NPAP1: variants seen among roughly 807,000 people sequenced by gnomAD.
NPAP1 encodes nuclear pore associated protein 1, also known as nuclear pore-associated protein 1.
For synonymous variants in NPAP1, 616 were observed against 581.4 expected, an observed-to-expected ratio of 1.06 and a Z score of -0.86; for missense variants, 1,483 against 1,454.5, an observed-to-expected ratio of 1.02 and a Z score of -0.32.
In NPAP1 at chr15:24,677,507, C is replaced by T. The variant is rs1409033062; in HGVS notation, c.1640C>T (p.Pro547Leu). The T allele has an allele frequency of 1.2e-6, 2 of 1,614,162 alleles. No individual in the cohort carries two copies. The highest frequency in any genetic ancestry group is 3.3e-5 in the Admixed American group (2 of 60,022). The change falls in exon 1 of 1, where the codon CCT becomes CTT. Residue 547 changes from proline to leucine, a missense_variant. Coordinates refer to ENST00000329468, the MANE Select transcript of NPAP1 (RefSeq NM_018958.3). ...GGGACCTCAGTTATCACCAGCAAGC[C>T]TATGAATTCCACGTCAGTCATTTCC... ...STGTSVITSK[P>L]MNSTSVISTV...
chr15:24,679,991 G>A lies in NPAP1; in HGVS notation c.*653G>A. 7.8e-6 allele frequency: 1 copy of A among 128,824 alleles called. No individual in the cohort carries two copies. The allele number at this position is 128,824 out of a possible 1,614,324, so 8.0% of individuals were successfully genotyped here. ...GCATTGTTTTTGTTTTGGTTTGTTT[G>A]TTTGTTTGTTTGTTTGTTTGTTTGT... On this transcript the variant is annotated 3_prime_UTR_variant, in exon 1 of 1. Coordinates refer to ENST00000329468, the MANE Select transcript of NPAP1 (RefSeq NM_018958.3).
Position 24,676,776 on chromosome 15 carries a change from T to C in NPAP1, c.909T>C (p.Pro303=), listed in dbSNP as rs147129508. The change falls in exon 1 of 1, where the codon CCT becomes CCC. Residue 303 remains proline, a synonymous_variant. Coordinates refer to ENST00000329468, the MANE Select transcript of NPAP1 (RefSeq NM_018958.3). ...CGCTGATGTCCGGAAAGAGGATGCC[T>C]GATGAGAAGCCTTTCTGTATTCCTC... ...PIPLMSGKRM[P]DEKPFCIPPR... 1.9e-6 allele frequency: 3 copies of C among 1,613,556 alleles called. No individual in the cohort carries two copies. In the African/African-American group the frequency reaches 4.0e-5, roughly 22 times the overall value.
In NPAP1 at chr15:24,679,222, T is replaced by G. The variant is rs756944386; in HGVS notation, c.3355T>G (p.Phe1119Val). ...SIVGGPCVPA[F>V]QQCILQHTWT... ...AGTTGGAGGCCCTTGTGTTCCTGCT[T>G]TTCAACAGTGCATCCTGCAGCACAC... Residue 1119 changes from phenylalanine to valine, a missense_variant, in exon 1 of 1, where the codon TTT becomes GTT. Transcript: ENST00000329468. 5.6e-6 allele frequency: 9 copies of G among 1,614,004 alleles called. No homozygotes were observed. Among genetic ancestry groups the G allele is most frequent in the Non-Finnish European group, 6.8e-6 (8 of 1,180,034 alleles).
Position 24,682,744 on chromosome 15 carries a change from T to TA in NPAP1, c.*3416dup, listed in dbSNP as rs546129701. The TA allele has an allele frequency of 3.6e-3, 580 of 161,840 alleles. 1 individual carries two copies. Among genetic ancestry groups the TA allele is most frequent in the South Asian group, 0.016 (77 of 4,710 alleles). 10.0% of individuals were successfully genotyped at this position (161,840 alleles called of 1,614,324 possible). A position where few individuals can be genotyped will look rare whatever the true frequency, so the allele number is the denominator to read the frequency against. ...TTTTTCTCCTTGAACTCTTTTCCCA[T>TA]AAAAAAAAAATGTTTTTGGTTTCTA... On this transcript the variant is annotated 3_prime_UTR_variant, in exon 1 of 1. Transcript: ENST00000329468.
Position 24,678,378 on chromosome 15 carries a change from G to A in NPAP1, c.2511G>A (p.Gln837=), listed in dbSNP as rs2141312512. The A allele has an allele frequency of 1.2e-6, 2 of 1,613,896 alleles. No homozygotes were observed. Among genetic ancestry groups the A allele is most frequent in the Non-Finnish European group, 1.7e-6 (2 of 1,180,010 alleles). The change falls in exon 1 of 1, where the codon CAG becomes CAA. Residue 837 remains glutamine, a synonymous_variant. Transcript: ENST00000329468. ...CTCCTTCCAAAACTGTCATCTTGCA[G>A]TCTACCTTTGTCTCCAGGAAGGAGG... ...TTPPSKTVIL[Q]STFVSRKEEY...
Position 24,681,493 on chromosome 15 carries a change from T to C in NPAP1, c.*2155T>C, listed in dbSNP as rs1595617716. Reference sequence around the variant, plus strand: ...TGTGATGGTATTAGGAGGTGAGGCTTTGGGGAGGTGATTAGGTTTAGATGA... The same window carrying C: ...TGTGATGGTATTAGGAGGTGAGGCTCTGGGGAGGTGATTAGGTTTAGATGA... On this transcript the variant is annotated 3_prime_UTR_variant, in exon 1 of 1. Transcript: ENST00000329468. 6.0e-6 allele frequency: 1 copy of C among 166,576 alleles called. No homozygotes were observed. Among genetic ancestry groups the C allele is most frequent in the Non-Finnish European group, 1.5e-5 (1 of 68,092 alleles). The allele number at this position is 166,576 out of a possible 1,614,324, so 10.3% of individuals were successfully genotyped here.
chr15:24,677,360 C>G lies in NPAP1; in HGVS notation c.1493C>G (p.Pro498Arg), dbSNP rs2141310187. 2 of 1,613,906 alleles carry G rather than the reference C, an allele frequency of 1.2e-6. No individual in the cohort carries two copies. Among genetic ancestry groups the G allele is most frequent in the Middle Eastern group, 3.3e-4 (2 of 6,062 alleles). Residue 498 changes from proline (P) to arginine (R), a missense_variant, in exon 1 of 1, where the codon CCA becomes CGA. Coordinates refer to ENST00000329468, the MANE Select transcript of NPAP1 (RefSeq NM_018958.3). ...VGAAPLTSDP[P>R]TPPSSTPSFK... is the part of the protein sequence containing the mutation. The stretch of plus-strand genomic sequence containing the variant: ...GCAGCGCCTCTCACTTCTGACCCCC[C>G]AACACCTCCTAGCTCCACACCCTCC...
Position 24,679,233 on chromosome 15 carries a change from C to G in NPAP1, c.3366C>G (p.Cys1122Trp), listed in dbSNP as rs755580901. 27 of 1,613,994 alleles carry G rather than the reference C, an allele frequency of 1.7e-5. No individual in the cohort carries two copies. Among genetic ancestry groups the G allele is most frequent in the Non-Finnish European group, 2.3e-5 (27 of 1,180,012 alleles). ...CTTGTGTTCCTGCTTTTCAACAGTG[C>G]ATCCTGCAGCACACATGGACAGAGA... ...GGPCVPAFQQ[C>W]ILQHTWTERK... Residue 1122 changes from cysteine (C) to tryptophan (W), a missense_variant, in exon 1 of 1, where the codon TGC (cysteine) becomes TGG (tryptophan). By Grantham distance (215) the Cys-to-Trp change is radical (BLOSUM62 -2). Transcript: ENST00000329468.
rs751970561 is a variant in NPAP1 at position 24,677,889 on chromosome 15, T to G, written c.2022T>G (p.Pro674=). The change falls in exon 1 of 1, where the codon CCT becomes CCG. Residue 674 remains proline (P), a synonymous_variant. Transcript: ENST00000329468. ...ACVFLSLPII[P]PPDTSTLVNS... ...TTTTCCTGAGCCTTCCCATCATTCC[T>G]CCTCCAGACACCTCCACTTTAGTGA... 1 of 1,613,652 alleles carries G rather than the reference T, an allele frequency of 6.2e-7. No individual in the cohort carries two copies. Among genetic ancestry groups the G allele is most frequent in the Non-Finnish European group, 8.5e-7 (1 of 1,179,950 alleles).
At position 24,678,515 on chromosome 15, in the gene NPAP1, C is replaced by A. The variant is rs2048993645; in HGVS notation, c.2648C>A (p.Pro883Gln). 2.5e-6 allele frequency: 4 copies of A among 1,614,194 alleles called. No individual in the cohort carries two copies. The highest frequency in any genetic ancestry group is 2.2e-5 in the East Asian group (1 of 44,874). ...TTTCCTGCACAGGCAGATAGGAGAC[C>A]AACCACAACTTCCAGCCATCCTTTA... ...TSFPAQADRR[P>Q]TTTSSHPLNT... The change falls in exon 1 of 1, where the codon CCA becomes CAA. Residue 883 changes from proline (P) to glutamine (Q), a missense_variant. Coordinates refer to ENST00000329468, the MANE Select transcript of NPAP1 (RefSeq NM_018958.3).
chr15:24,677,854 A>G lies in NPAP1; in HGVS notation c.1987A>G (p.Ser663Gly), dbSNP rs375914427. 1.3e-4 allele frequency: 216 copies of G among 1,613,770 alleles called. No homozygotes were observed. Among genetic ancestry groups the G allele is most frequent in the Non-Finnish European group, 1.7e-4 (204 of 1,180,012 alleles). Residue 663 changes from serine (S) to glycine (G), a missense_variant, in exon 1 of 1, where the codon AGT becomes GGT. Coordinates refer to ENST00000329468, the MANE Select transcript of NPAP1 (RefSeq NM_018958.3). ...DGQPQKASLP[S>G]ACVFLSLPII... ...GCAGCCGCAGAAAGCTTCTCTCCCC[A>G]GTGCCTGTGTTTTCCTGAGCCTTCC...
Position 24,678,885 on chromosome 15 carries a change from A to G in NPAP1, c.3018A>G (p.Gln1006=), listed in dbSNP as rs926908954. ...TTGGAAATACTATTCCAGGCCCACA[A>G]GTGATTATGGGACCTGGAACCCCTA... ...LLVGNTIPGP[Q]VIMGPGTPMD... is the part of the protein sequence containing the mutation. Residue 1006 remains glutamine (Q), a synonymous_variant, in exon 1 of 1, where the codon CAA becomes CAG. Coordinates refer to ENST00000329468, the MANE Select transcript of NPAP1 (RefSeq NM_018958.3). The G allele has an allele frequency of 5.6e-6, 9 of 1,614,158 alleles. No homozygotes were observed. Among genetic ancestry groups the G allele is most frequent in the Admixed American group, 3.3e-5 (2 of 60,022 alleles).
rs2141311962 is a variant in NPAP1 at position 24,678,147 on chromosome 15, C to G, written c.2280C>G (p.Ser760=). 1 of 1,612,202 alleles carries G rather than the reference C, an allele frequency of 6.2e-7. No homozygotes were observed. Among genetic ancestry groups the G allele is most frequent in the Non-Finnish European group, 8.5e-7 (1 of 1,179,570 alleles). The change falls in exon 1 of 1, where the codon TCC becomes TCG. Residue 760 remains serine, a synonymous_variant. Coordinates refer to ENST00000329468, the MANE Select transcript of NPAP1 (RefSeq NM_018958.3). ...CAGTCAGGGCACCAGCTACAGCTTC[C>G]AACCATCCTTTAAATCCAGGAGCCA... is the stretch of plus-strand genomic sequence containing the variant. ...AQSVRAPATA[S]NHPLNPGATP... is the part of the protein sequence containing the mutation.
rs72691546 is a variant in NPAP1 at position 24,677,482 on chromosome 15, G to C, written c.1615G>C (p.Gly539Arg). 2 of 1,613,906 alleles carry C rather than the reference G, an allele frequency of 1.2e-6. No individual in the cohort carries two copies. The highest frequency in any genetic ancestry group is 1.7e-4 in the Middle Eastern group (1 of 6,060). The change falls in exon 1 of 1, where the codon GGG (glycine) becomes CGG (arginine). Residue 539 changes from glycine (G) to arginine (R), a missense_variant. By Grantham distance (125) the Gly-to-Arg change is moderately radical. Transcript: ENST00000329468. ...FLTLLPVPST[G>R]TSVITSKPMN... Reference sequence around the variant, plus strand: ...GACTCTTCTTCCAGTCCCTTCCACCGGGACCTCAGTTATCACCAGCAAGCC... The same window carrying C: ...GACTCTTCTTCCAGTCCCTTCCACCCGGACCTCAGTTATCACCAGCAAGCC...
At position 24,677,330 on chromosome 15, in the gene NPAP1, T is replaced by C. The variant is rs1566756111; in HGVS notation, c.1463T>C (p.Val488Ala). 1 of 1,614,142 alleles carries C rather than the reference T, an allele frequency of 6.2e-7. No homozygotes were observed. Among genetic ancestry groups the C allele is most frequent in the East Asian group, 2.2e-5 (1 of 44,874 alleles). ...AAAGGAGGCTCTTATAATTCAGTCGTAGGAGCAGCGCCTCTCACTTCTGAC... is the reference window on the plus strand; with the variant it reads ...AAAGGAGGCTCTTATAATTCAGTCGCAGGAGCAGCGCCTCTCACTTCTGAC... ...NEKGGSYNSV[V>A]GAAPLTSDPP... The change falls in exon 1 of 1, where the codon GTA becomes GCA. Residue 488 changes from valine (V) to alanine (A), a missense_variant. Val to Ala is a moderately conservative substitution (Grantham distance 64). Transcript: ENST00000329468.
chr15:24,678,326 T>C lies in NPAP1; in HGVS notation c.2459T>C (p.Ile820Thr), dbSNP rs2048991921. 5.0e-6 allele frequency: 8 copies of C among 1,614,086 alleles called. No homozygotes were observed. The highest frequency in any genetic ancestry group is 2.2e-5 in the East Asian group (1 of 44,860). Residue 820 changes from isoleucine to threonine, a missense_variant, in exon 1 of 1, where the codon ATT (isoleucine) becomes ACT (threonine). Transcript: ENST00000329468. The stretch of plus-strand genomic sequence containing the variant: ...GCAGCATCGTTATCCAAGCCTGCCA[T>C]TGACACCAGTGACATGAATACCACC... ...ASAASLSKPA[I>T]DTSDMNTTPP... is the part of the protein sequence containing the mutation.
the NPAP1 span, chr15:24,676,765 AAG>A: frequency 6.2e-7 from 1 of 1,613,826 alleles, no homozygotes; most frequent in South Asian, 1.1e-5. Flanking sequence ...GATGTCCGGA[AAG>A]AGGATGCCTG....
rs1277274517 is a variant in NPAP1 at position 24,676,859 on chromosome 15, C to T, written c.992C>T (p.Ser331Leu). ...AACAGGCCCTGCAAAAGGAAAATGT[C>T]GATTCCATTGCTGCTGCCGCTGCCC... The part of the protein sequence containing the change: ...ARNRPCKRKM[S>L]IPLLLPLPPS... Residue 331 changes from serine (S) to leucine (L), a missense_variant, in exon 1 of 1, where the codon TCG becomes TTG. Coordinates refer to ENST00000329468, the MANE Select transcript of NPAP1 (RefSeq NM_018958.3). 7 of 1,613,160 alleles carry T rather than the reference C, an allele frequency of 4.3e-6. No homozygotes were observed. In the East Asian group the frequency reaches 1.3e-4, roughly 31 times the overall value.
chr15:24,678,158 T>G, the NPAP1 span: 1 of 1,611,952 alleles, frequency 6.2e-7, no homozygotes, highest in Non-Finnish European at 8.5e-7. Context: ...AACCATCCTT[T>G]AAATCCAGGA....
Sources: gnomAD v4.1 joint callset for allele counts on GRCh38, gnomAD v4.1.1 for gene constraint, MANE v1.5 for transcripts, NCBI Gene and HGNC (gene_info 2026-07-23, HGNC 2026-07-21) for gene names.